The following AKAP6 variants were observed in gnomAD, a reference collection of about 807,000 sequenced individuals.
The protein encoded by AKAP6 is A-kinase anchoring protein 6.
In AKAP6, 58 loss-of-function variants were observed where a neutral mutation model predicts 188.5. The ratio of observed to expected loss-of-function variants is 0.31; its 90% CI spans 0.25 to 0.38. The LOEUF (loss-of-function observed/expected upper bound fraction) is 0.38, where lower values mean the gene tolerates loss of function less well. AKAP6 is among the 10% of genes least tolerant of loss of function. The probability of loss-of-function intolerance (pLI) is 1.00; values close to 1 mark genes in which losing one functional copy is unlikely to be tolerated. For missense variants in AKAP6, 2,710 were observed against 2,740.0 expected (o/e 0.99, Z 0.24); for synonymous variants, 989 against 998.6 (o/e 0.99, Z 0.18).
intron 2 of AKAP6, among the ~76,000 whole-genome samples, chr14:32,511,271 T>C (rs898082780): frequency 1.3e-4 from 20 of 152,324 alleles, no homozygotes; most frequent in African/African-American, 4.3e-4. Flanking sequence ...GTCACAAAGA[T>C]GCCATGCAAT....
intron 7 of AKAP6, among the ~76,000 whole-genome samples, chr14:32,635,918 C>A (rs373509296): frequency 3.9e-5 from 6 of 152,120 alleles, no homozygotes; most frequent in African/African-American, 1.4e-4. Context: ...AGCAGTGCAG[C>A]ACCATTCAAT....
intron 3 of AKAP6, among the ~76,000 whole-genome samples, chr14:32,543,019 C>T (rs1248862171): frequency 1.3e-5 from 2 of 152,218 alleles, no homozygotes; most frequent in Non-Finnish European, 2.9e-5. Context: ...ATACCTGTCA[C>T]TTCAAACATT....
intron 11 of AKAP6, among the ~76,000 whole-genome samples, chr14:32,751,102 T>A (rs1437918736): frequency 6.6e-6 from 1 of 152,148 alleles, no homozygotes; most frequent in Non-Finnish European, 1.5e-5. Flanking sequence ...TAATTTTTTT[T>A]AATGAATAAA....
intron 4 of AKAP6, among the ~76,000 whole-genome samples, chr14:32,553,839 C>G (rs1050834628): frequency 6.6e-6 from 1 of 152,140 alleles, no homozygotes; most frequent in African/African-American, 2.4e-5. Context: ...GCTGATTTAC[C>G]CAGAACCCAT....
At chr14:32,633,456 G>C (rs560164485) in intron 7 of AKAP6, among the ~76,000 whole-genome samples, 2 of 152,020 alleles carry the variant, frequency 1.3e-5, no homozygotes, top group Non-Finnish European at 2.9e-5. Context: ...ATACACCCCT[G>C]TCTATTACCA....
chr14:32,366,705 T>G (rs1887845367), intron 1 of AKAP6, among the ~76,000 whole-genome samples: 1 of 151,968 alleles, frequency 6.6e-6, no homozygotes, highest in Non-Finnish European at 1.5e-5. Flanking sequence ...TGTGTGTGTG[T>G]CTGTGTGTGT....
At chr14:32,444,871 A>G (rs946050036) in intron 2 of AKAP6, among the ~76,000 whole-genome samples, 24 of 152,230 alleles carry the variant, frequency 1.6e-4, no homozygotes, top group Non-Finnish European at 2.8e-4. Context: ...GGAAAATGGA[A>G]TCTATTTCTG....
chr14:32,488,912 G>A (rs115231351), intron 2 of AKAP6, among the ~76,000 whole-genome samples: 2,567 of 152,284 alleles, frequency 0.017, 78 homozygotes, highest in African/African-American at 0.058. Context: ...CCCGCCTTCT[G>A]CGTTGGTCTT....
intron 4 of AKAP6, among the ~76,000 whole-genome samples, chr14:32,575,539 A>G (rs879606943): frequency 4.6e-5 from 7 of 152,098 alleles, no homozygotes; most frequent in Non-Finnish European, 1.0e-4. Context: ...AGCTCAGCCA[A>G]TTGCAATTGT....
intron 12 of AKAP6, among the ~76,000 whole-genome samples, chr14:32,801,200 T>A (rs2033938840): frequency 6.6e-6 from 1 of 152,196 alleles, no homozygotes; most frequent in Non-Finnish European, 1.5e-5. Context: ...ATTCATTGCA[T>A]TTGTTCTTTC....
chr14:32,501,971 G>C (rs528113271), intron 2 of AKAP6, among the ~76,000 whole-genome samples: 20 of 152,126 alleles, frequency 1.3e-4, no homozygotes, highest in African/African-American at 4.8e-4. Flanking sequence ...CCTTATTACT[G>C]GATCGTTTAA....
At position 32,453,638 on chromosome 14, in the gene AKAP6, C is replaced by A. The variant is rs1248230263; in HGVS notation, c.324+19821C>A. Among the ~76,000 whole-genome samples, 5 of 119,696 alleles carry A rather than the reference C, an allele frequency of 4.2e-5. No individual in the cohort carries two copies. The East Asian group carries it at 1.0e-3, about 24-fold the overall frequency. The allele number at this position is 119,696 out of a possible 152,430, so 78.5% of individuals were successfully genotyped here. ...TTGAGACGGAGTCTCGTTCTGTCGC[C>A]CAGGCGGGAGTGCAGTGGCGCGATC... On this transcript the variant is annotated intron_variant, in intron 2 of 13. Coordinates refer to ENST00000280979, the MANE Select transcript of AKAP6 (RefSeq NM_004274.5).
In AKAP6 at chr14:32,568,496, A is replaced by G. The variant is rs1439502340; in HGVS notation, c.2347-8624A>G. On this transcript the variant is annotated intron_variant, in intron 4 of 13. Transcript: ENST00000280979. This position sits in a 1 kb window ranked among gnomAD's most constrained non-coding sequence, Gnocchi z 6.2. ...AAACCTACAATTAAACCATTAAACT[A>G]TCATAATCCTAAATTCTAAGTTATG... Among the ~76,000 whole-genome samples the G allele has an allele frequency of 6.6e-6, 1 of 152,166 alleles. No individual in the cohort carries two copies. The highest frequency in any genetic ancestry group is 2.4e-5 in the African/African-American group (1 of 41,452).
At chr14:32,626,689 T>G (rs527801587) in intron 7 of AKAP6, among the ~76,000 whole-genome samples, 1 of 152,186 alleles carries the variant, frequency 6.6e-6, no homozygotes, top group South Asian at 2.1e-4. Context: ...CTCTATTTCT[T>G]CAAAATTCAG....
chr14:32,447,986 G>A (rs1202076328), intron 2 of AKAP6, among the ~76,000 whole-genome samples: 1 of 152,206 alleles, frequency 6.6e-6, no homozygotes, highest in East Asian at 1.9e-4. Context: ...AAATGCACTG[G>A]ACATTTTGAT....
At chr14:32,486,601 G>A (rs934458329) in intron 2 of AKAP6, among the ~76,000 whole-genome samples, 1 of 152,154 alleles carries the variant, frequency 6.6e-6, no homozygotes, top group Non-Finnish European at 1.5e-5. Flanking sequence ...GTTCACTCAT[G>A]ATTTGACTCT....
At chr14:32,773,957 A>G (rs1566701694) in intron 12 of AKAP6, 64 bp downstream of exon 12, 6 of 1,520,138 alleles carry the variant, frequency 3.9e-6, no homozygotes, top group Non-Finnish European at 5.4e-6. Context: ...TAATTCTTTC[A>G]GGCTTGGAAA....
At chr14:32,765,719 A>AC (rs1015808047) in intron 11 of AKAP6, among the ~76,000 whole-genome samples, 1 of 151,832 alleles carries the variant, frequency 6.6e-6, no homozygotes. Context: ...AAAAAAAAAA[A>AC]AAAAACCTAC....
chr14:32,463,561 A>T (rs919234455), intron 2 of AKAP6, among the ~76,000 whole-genome samples: 9 of 152,242 alleles, frequency 5.9e-5, no homozygotes, highest in African/African-American at 2.2e-4. Context: ...ATGAGAACAA[A>T]GAGACAGTGT....
Sources: gnomAD v4.1 joint callset for allele counts (sites outside exome capture counted in the v4.1 genomes callset) on GRCh38, gnomAD v4.1.1 for gene constraint, Gnocchi (gnomAD v3.1) non-coding constraint, MANE v1.5 for transcripts, NCBI Gene and HGNC (gene_info 2026-07-23, HGNC 2026-07-21) for gene names.